HS3ST3A1: variants seen among roughly 807,000 people sequenced by gnomAD.
The protein encoded by HS3ST3A1 is heparan sulfate-glucosamine 3-sulfotransferase 3A1.
In HS3ST3A1, 19 loss-of-function variants were observed where a neutral mutation model predicts 25.7. The observed-to-expected ratio is 0.74, with a 90% CI of 0.52 to 1.08. The LOEUF (loss-of-function observed/expected upper bound fraction) is 1.08, where lower values mean the gene tolerates loss of function less well. HS3ST3A1 is among the 50% of genes least tolerant of loss of function. HS3ST3A1 has a pLI of 0.00. For synonymous variants in HS3ST3A1, 226 were observed against 278.6 expected, an observed-to-expected ratio of 0.81 and a Z score of 1.88; for missense variants, 459 against 594.3, an observed-to-expected ratio of 0.77 and a Z score of 2.37.
chr17:13,594,199 C>T (rs1482625164), intron 1 of HS3ST3A1, among the ~76,000 whole-genome samples: 2 of 152,168 alleles, frequency 1.3e-5, no homozygotes, highest in Non-Finnish European at 2.9e-5. Context: ...GATCTCAACA[C>T]AACAGGGAAT....
intron 1 of HS3ST3A1, among the ~76,000 whole-genome samples, chr17:13,508,515 T>G (rs2142303254): frequency 6.6e-6 from 1 of 152,346 alleles, no homozygotes; most frequent in East Asian, 1.9e-4. Flanking sequence ...ACACATTTTC[T>G]CTTTCATTGA....
chr17:13,591,498 G>C (rs1436221712), intron 1 of HS3ST3A1, among the ~76,000 whole-genome samples: 6 of 152,182 alleles, frequency 3.9e-5, no homozygotes, highest in Non-Finnish European at 7.3e-5. Flanking sequence ...TCTGTGATCA[G>C]ACAACTTCTT....
At chr17:13,588,636 T>C (rs1313312186) in intron 1 of HS3ST3A1, among the ~76,000 whole-genome samples, 3 of 152,202 alleles carry the variant, frequency 2.0e-5, no homozygotes, top group African/African-American at 7.2e-5. Context: ...TACTTGTCTT[T>C]CTTACTACAT....
At position 13,496,497 on chromosome 17, in the gene HS3ST3A1, C is replaced by G. The variant is rs562831509; in HGVS notation, c.921G>C (p.Met307Ile). The part of the protein sequence containing the change: ...HWLRHFPIRQ[M>I]LFVSGERLIS... ...TGAGCCGCTCGCCGCTCACGAAGAG[C>G]ATCTGGCGGATGGGGAAGTGGCGCA... The change falls in exon 2 of 2, where the codon ATG (methionine) becomes ATC (isoleucine). Residue 307 changes from methionine to isoleucine, a missense_variant. Physicochemically the swap from Met to Ile is conservative, Grantham distance 10. This residue lies in a region of HS3ST3A1 where 67 missense variants were observed against 231.4 expected (regional missense o/e 0.29). Coordinates refer to ENST00000284110, the MANE Select transcript of HS3ST3A1 (RefSeq NM_006042.3). The G allele has an allele frequency of 6.9e-7, 1 of 1,441,522 alleles. No individual in the cohort carries two copies. The highest frequency in any genetic ancestry group is 2.0e-5 in the Admixed American group (1 of 50,276). The allele number at this position is 1,441,522 out of a possible 1,614,324, so 89.3% of individuals were successfully genotyped here. A position where few individuals can be genotyped will look rare whatever the true frequency, so the allele number is the denominator to read the frequency against.
At chr17:13,542,890 C>A (rs1026313343) in intron 1 of HS3ST3A1, among the ~76,000 whole-genome samples, 6 of 152,042 alleles carry the variant, frequency 3.9e-5, no homozygotes, top group African/African-American at 1.4e-4. Flanking sequence ...GAGTTCATCA[C>A]CAATGGCCAG....
intron 1 of HS3ST3A1, among the ~76,000 whole-genome samples, chr17:13,580,483 C>T (rs1908080642): frequency 6.6e-6 from 1 of 152,062 alleles, no homozygotes; most frequent in Non-Finnish European, 1.5e-5. Context: ...TACATTTATA[C>T]ACACAATTAG....
rs1370123074 is a variant in HS3ST3A1 at position 13,494,692 on chromosome 17, G to T, written c.*1505C>A. The stretch of plus-strand genomic sequence containing the variant: ...ATTATAAATGTTTTATATATTTCGT[G>T]CATATGTGTTCCTCTCTAAACCAAT... On this transcript the variant is annotated 3_prime_UTR_variant, in exon 2 of 2. Coordinates refer to ENST00000284110, the MANE Select transcript of HS3ST3A1 (RefSeq NM_006042.3). Among the ~76,000 whole-genome samples the T allele has an allele frequency of 1.3e-5, 2 of 152,080 alleles. No homozygotes were observed. Among genetic ancestry groups the T allele is most frequent in the East Asian group, 3.9e-4 (2 of 5,190 alleles).
At chr17:13,508,340 T>C (rs577824386) in intron 1 of HS3ST3A1, among the ~76,000 whole-genome samples, 61 of 152,332 alleles carry the variant, frequency 4.0e-4, no homozygotes, top group Non-Finnish European at 8.1e-4. Flanking sequence ...GGACTCTTGA[T>C]CGTTAATTTT....
chr17:13,574,328 T>G (rs1199657777), intron 1 of HS3ST3A1, among the ~76,000 whole-genome samples: 2 of 151,468 alleles, frequency 1.3e-5, no homozygotes, highest in Non-Finnish European at 2.9e-5. Context: ...AGAGACGGGT[T>G]TTCACCGTGT....
At chr17:13,503,465 T>G (rs2142296285) in intron 1 of HS3ST3A1, among the ~76,000 whole-genome samples, 1 of 152,288 alleles carries the variant, frequency 6.6e-6, no homozygotes, top group Non-Finnish European at 1.5e-5. Context: ...TAATAAATGT[T>G]TGAGGTGATG....
chr17:13,593,988 C>T (rs906405025), intron 1 of HS3ST3A1, among the ~76,000 whole-genome samples: 3 of 152,154 alleles, frequency 2.0e-5, no homozygotes, highest in African/African-American at 7.2e-5. Flanking sequence ...TTTGTCTCCC[C>T]ACATCTGGGA....
At chr17:13,599,006 T>A (rs1434224598) in intron 1 of HS3ST3A1, among the ~76,000 whole-genome samples, 1 of 152,118 alleles carries the variant, frequency 6.6e-6, no homozygotes, top group Non-Finnish European at 1.5e-5. Context: ...TGCAAACTGC[T>A]ATAGATAAGA....
At chr17:13,561,810 C>T (rs1029147182) in intron 1 of HS3ST3A1, among the ~76,000 whole-genome samples, 1 of 152,152 alleles carries the variant, frequency 6.6e-6, no homozygotes, top group African/African-American at 2.4e-5. Context: ...TTCACTCACA[C>T]AAGCGCAAAA....
intron 1 of HS3ST3A1, among the ~76,000 whole-genome samples, chr17:13,534,547 C>CAAAAAAAAAAAAAAAAAAAAAAA (rs34383911): frequency 2.7e-4 from 9 of 32,830 alleles, no homozygotes; most frequent in Non-Finnish European, 3.5e-4. Flanking sequence ...CTACAAAATC[C>CAAAAAAAAAAAAAAAAAAAAAAA]AAAAAAAAAA....
intron 1 of HS3ST3A1, among the ~76,000 whole-genome samples, chr17:13,516,345 C>A (rs1906054635): frequency 1.3e-5 from 2 of 152,138 alleles, no homozygotes; most frequent in Admixed American, 1.3e-4. Flanking sequence ...AATAAAAGTT[C>A]TTTATATATT....
rs186242495 is a variant in HS3ST3A1, at chr17:13,526,048, C to G, written c.600-29230G>C. ...GACTGGGATATCAGTCCTCCAGGCA[C>G]CAACCTTGCCATCTGCAGGCCTGAA... On this transcript the variant is annotated intron_variant, in intron 1 of 1. Transcript: ENST00000284110. Among the ~76,000 whole-genome samples, 611 of 152,082 alleles carry G rather than the reference C, an allele frequency of 4.0e-3. 3 individuals carry two copies. Among genetic ancestry groups the G allele is most frequent in the South Asian group, 0.016 (75 of 4,812 alleles).
At chr17:13,546,508 T>C (rs1907091016) in intron 1 of HS3ST3A1, among the ~76,000 whole-genome samples, 1 of 152,208 alleles carries the variant, frequency 6.6e-6, no homozygotes. Flanking sequence ...CCTCGTGATC[T>C]ACCCGCCTCG....
chr17:13,518,501 G>T (rs1375321600), intron 1 of HS3ST3A1, among the ~76,000 whole-genome samples: 3 of 152,192 alleles, frequency 2.0e-5, no homozygotes, highest in Non-Finnish European at 2.9e-5. Flanking sequence ...GTGTTGACGG[G>T]TCCAATTCTT....
chr17:13,597,505 G>A (rs773048150), intron 1 of HS3ST3A1, among the ~76,000 whole-genome samples: 2 of 152,036 alleles, frequency 1.3e-5, no homozygotes, highest in African/African-American at 2.4e-5. Flanking sequence ...CTGCTTTACC[G>A]TGACATGCAA....
Sources: allele counts gnomAD v4.1 joint callset (sites outside exome capture counted in the v4.1 genomes callset), GRCh38; gene constraint gnomAD v4.1.1; regional missense constraint gnomAD v4.1.1; transcripts MANE v1.5; gene names NCBI Gene and HGNC (gene_info 2026-07-23, HGNC 2026-07-21).